DHRSX: variants seen among roughly 807,000 people sequenced by gnomAD.
The protein encoded by DHRSX is dehydrogenase/reductase X-linked, also known as polyprenol dehydrogenase.
DHRSX carries 31 observed loss-of-function variants against 34.0 expected under a neutral mutation model. The observed-to-expected ratio is 0.91, with a 90% CI of 0.69 to 1.23. The LOEUF (loss-of-function observed/expected upper bound fraction) is 1.23, where lower values mean the gene tolerates loss of function less well. Among genes scored for constraint, DHRSX ranks in the 50% most tolerant of loss-of-function variants. DHRSX has a pLI of 0.00. For missense variants in DHRSX, 414 were observed against 428.1 expected, an observed-to-expected ratio of 0.97 and a Z score of 0.29; for synonymous variants, 201 against 183.8, an observed-to-expected ratio of 1.09 and a Z score of -0.76.
chrX:2,406,601 C>A (rs772052053), intron 3 of DHRSX, among the ~76,000 whole-genome samples: 1 of 151,752 alleles, frequency 6.6e-6, no homozygotes, highest in Non-Finnish European at 1.5e-5. Context: ...CCACCACGCT[C>A]GGCTAATTTT....
intron 3 of DHRSX, among the ~76,000 whole-genome samples, chrX:2,305,735 C>A (rs1484648356): frequency 1.4e-5 from 2 of 147,094 alleles, no homozygotes; most frequent in Non-Finnish European, 3.0e-5. Flanking sequence ...CAAACTAACA[C>A]AAGAACAGAA....
intron 4 of DHRSX, among the ~76,000 whole-genome samples, chrX:2,269,661 C>G (rs778975344): frequency 2.6e-5 from 4 of 152,226 alleles, no homozygotes; most frequent in South Asian, 2.1e-4. Flanking sequence ...CTTAGCCTCC[C>G]GAGTAGCTGG....
intron 1 of DHRSX, chrX:2,490,369 G>C: frequency 1.2e-6 from 2 of 1,613,546 alleles, no homozygotes; most frequent in Non-Finnish European, 1.7e-6. Flanking sequence ...TGCTGTCGTA[G>C]CCGTGGCCGG....
chrX:2,493,415 G>T (rs1173172659), intron 1 of DHRSX, among the ~76,000 whole-genome samples: 2 of 151,902 alleles, frequency 1.3e-5, no homozygotes, highest in Non-Finnish European at 2.9e-5. Flanking sequence ...CTATTGGGCT[G>T]AAAGAGGTCC....
At chrX:2,251,004 G>A (rs1279197356) in intron 5 of DHRSX, among the ~76,000 whole-genome samples, 1 of 152,128 alleles carries the variant, frequency 6.6e-6, no homozygotes, top group Non-Finnish European at 1.5e-5. Context: ...GTTCTGAGAT[G>A]TGCCTTGCCG....
rs986316526 is a variant in DHRSX at position 2,493,085 on chromosome X, G to C, written c.109+7732C>G. ...CAGTGCCACTTCCCAAGACTGGGGT[G>C]CAAGGAGGGGGGTCCTGTGGCCAAT... On this transcript the variant is annotated intron_variant, in intron 1 of 6. Coordinates refer to ENST00000334651, the MANE Select transcript of DHRSX (RefSeq NM_145177.3). Among the ~76,000 whole-genome samples the C allele has an allele frequency of 4.6e-5, 7 of 152,344 alleles. No individual in the cohort carries two copies. The South Asian group carries it at 1.0e-3, about 23-fold the overall frequency.
At chrX:2,335,184 CAAAA>C (rs34503888) in intron 3 of DHRSX, among the ~76,000 whole-genome samples, 1 of 116,574 alleles carries the variant, frequency 8.6e-6, no homozygotes, top group Non-Finnish European at 1.7e-5. Context: ...GACTCCATCT[CAAAA>C]AAAAAAAAAA....
At chrX:2,467,737 G>A (rs2044518372) in intron 1 of DHRSX, among the ~76,000 whole-genome samples, 1 of 152,116 alleles carries the variant, frequency 6.6e-6, no homozygotes. Context: ...CACTTTGGGA[G>A]GCCAAGGTGG....
intron 5 of DHRSX, among the ~76,000 whole-genome samples, chrX:2,252,784 G>A (rs2016462382): frequency 6.6e-6 from 1 of 152,288 alleles, no homozygotes; most frequent in South Asian, 2.1e-4. Context: ...GTGGGGGTTA[G>A]GGATGAAGAA....
chrX:2,358,817 C>G (rs2042890027), intron 3 of DHRSX, among the ~76,000 whole-genome samples: 1 of 151,934 alleles, frequency 6.6e-6, no homozygotes, highest in African/African-American at 2.4e-5. Context: ...GTGCATGTAA[C>G]TAAAGTCAAA....
chrX:2,360,307 A>G (rs183696316), intron 3 of DHRSX, among the ~76,000 whole-genome samples: 33 of 152,276 alleles, frequency 2.2e-4, no homozygotes, highest in East Asian at 5.8e-4. Context: ...TAATGGGGCC[A>G]GGCGTGGTGG....
chrX:2,410,259 C>A (rs2043608602), intron 2 of DHRSX, among the ~76,000 whole-genome samples: 2 of 152,120 alleles, frequency 1.3e-5, no homozygotes, highest in African/African-American at 2.4e-5. Context: ...CCAGGGTGAG[C>A]CAAGCCCAAA....
At chrX:2,316,602 C>T (rs2042244228) in intron 3 of DHRSX, among the ~76,000 whole-genome samples, 1 of 152,042 alleles carries the variant, frequency 6.6e-6, no homozygotes, top group African/African-American at 2.4e-5. Flanking sequence ...ATCTCTGAGA[C>T]CATCTCAAGT....
chrX:2,470,782 A>C (rs747869611), intron 1 of DHRSX, among the ~76,000 whole-genome samples: 1 of 152,356 alleles, frequency 6.6e-6, no homozygotes, highest in Admixed American at 6.5e-5. Context: ...ATCACACCAC[A>C]CAGTGATGAT....
At chrX:2,314,991 T>C (rs35918382) in intron 3 of DHRSX, among the ~76,000 whole-genome samples, 22,543 of 152,022 alleles carry the variant, frequency 0.15, 2,121 homozygotes, top group Admixed American at 0.22. Flanking sequence ...AAATGCTGTC[T>C]CTACTAAAAG....
rs1569494805 is a variant in DHRSX at position 2,371,690 on chromosome X, C to CCCCTCTCCTCCCATTATCACA, written c.286+37054_286+37055insTGTGATAATGGGAGGAGAGGG. Among the ~76,000 whole-genome samples, 227 of 112,638 alleles carry CCCCTCTCCTCCCATTATCACA rather than the reference C, an allele frequency of 2.0e-3. 2 individuals are homozygous for CCCCTCTCCTCCCATTATCACA. Among genetic ancestry groups the CCCCTCTCCTCCCATTATCACA allele is most frequent in the East Asian group, 0.015 (69 of 4,510 alleles). 73.9% of individuals were successfully genotyped at this position (112,638 alleles called of 152,430 possible). A position where few individuals can be genotyped will look rare whatever the true frequency, so the allele number is the denominator to read the frequency against. ...TAGTCCCTCCTCCTCCCATTATCAC[C>CCCCTCTCCTCCCATTATCACA]GCCCCTCCTCCTCCCATTATCACAG... is the stretch of plus-strand genomic sequence containing the variant. On this transcript the variant is annotated intron_variant, in intron 3 of 6. Coordinates refer to ENST00000334651, the MANE Select transcript of DHRSX (RefSeq NM_145177.3).
intron 3 of DHRSX, among the ~76,000 whole-genome samples, chrX:2,399,849 A>G (rs1397456573): frequency 6.6e-6 from 1 of 152,054 alleles, no homozygotes; most frequent in Non-Finnish European, 1.5e-5. Context: ...CCTGGGCGAC[A>G]TAATGAGACC....
intron 1 of DHRSX, among the ~76,000 whole-genome samples, chrX:2,483,777 G>A (rs1268477933): frequency 7.6e-6 from 1 of 131,756 alleles, no homozygotes; most frequent in African/African-American, 3.0e-5. Context: ...AGAAAAAAAA[G>A]GGAAAAAGTG....
chrX:2,348,372 G>A (rs1358314977), intron 3 of DHRSX, among the ~76,000 whole-genome samples: 3 of 152,320 alleles, frequency 2.0e-5, no homozygotes, highest in Non-Finnish European at 4.4e-5. Context: ...CTTGCAGCCA[G>A]GGTTTTGATG....
Sources: gnomAD v4.1 joint callset for allele counts (sites outside exome capture counted in the v4.1 genomes callset) on GRCh38, gnomAD v4.1.1 for gene constraint, MANE v1.5 for transcripts, NCBI Gene and HGNC (gene_info 2026-07-23, HGNC 2026-07-21) for gene names.